GRHL2: variants seen among roughly 807,000 people sequenced by gnomAD.
GRHL2 encodes grainyhead like transcription factor 2.
In GRHL2, 21 loss-of-function variants were observed where a neutral mutation model predicts 83.8. The ratio of observed to expected loss-of-function variants is 0.25; its 90% CI spans 0.18 to 0.36. The LOEUF (loss-of-function observed/expected upper bound fraction) is 0.36. Ranked by LOEUF, GRHL2 falls within the 10% of genes least tolerant of loss-of-function variation. The pLI is 1.00. For synonymous variants in GRHL2, 280 were observed against 278.9 expected, an observed-to-expected ratio of 1.00 and a Z score of -0.04; for missense variants, 623 against 781.8, an observed-to-expected ratio of 0.80 and a Z score of 2.42.
intron 2 of GRHL2, among the ~76,000 whole-genome samples, chr8:101,550,634 C>T (rs1811361072): frequency 6.6e-6 from 1 of 152,174 alleles, no homozygotes; most frequent in Non-Finnish European, 1.5e-5. Context: ...CCATTTTAAC[C>T]ATTATTAAGT....
intron 14 of GRHL2, among the ~76,000 whole-genome samples, chr8:101,659,065 T>C (rs1488384925): frequency 6.6e-6 from 1 of 152,220 alleles, no homozygotes; most frequent in African/African-American, 2.4e-5. Context: ...GTTATATTGA[T>C]ATTTATCATC....
chr8:101,524,904 C>T (rs775952), intron 1 of GRHL2, among the ~76,000 whole-genome samples: 120,254 of 151,992 alleles, frequency 0.79, 48,118 homozygotes, highest in African/African-American at 0.85. Flanking sequence ...CTATGCCATA[C>T]CATTATTTTT....
chr8:101,543,592 G>T, intron 2 of GRHL2, 156 bp downstream of exon 2: 1 of 723,822 alleles, frequency 1.4e-6, no homozygotes, highest in Non-Finnish European at 2.5e-6. Flanking sequence ...CTTGCTCCCT[G>T]CTTCCCCATC....
downstream of GRHL2, among the ~76,000 whole-genome samples, chr8:101,674,236 A>C (rs1298126969): frequency 6.6e-6 from 1 of 152,182 alleles, no homozygotes; most frequent in Non-Finnish European, 1.5e-5. Context: ...ATAGAGACAC[A>C]AAAAACCCTT....
the GRHL2 span, among the ~76,000 whole-genome samples, chr8:101,680,580 T>G: frequency 8.4e-6 from 1 of 118,894 alleles, no homozygotes. Context: ...GTGGACCTAA[T>G]AGACATCTAC....
chr8:101,532,264 AG>A (rs1181657256), intron 1 of GRHL2, among the ~76,000 whole-genome samples: 2 of 152,230 alleles, frequency 1.3e-5, no homozygotes, highest in Non-Finnish European at 2.9e-5. Context: ...AATGGGAAAA[AG>A]GCCAATATTC....
chr8:101,577,621 C>T (rs566299967), intron 7 of GRHL2, 102 bp downstream of exon 7: 3 of 793,260 alleles, frequency 3.8e-6, no homozygotes, highest in East Asian at 2.5e-5. Context: ...AGCCACAGAG[C>T]TCTTATGATG....
chr8:101,520,540 G>T (rs1323294609), intron 1 of GRHL2, among the ~76,000 whole-genome samples: 2 of 152,074 alleles, frequency 1.3e-5, no homozygotes, highest in African/African-American at 4.8e-5. Context: ...CCACGCAGCA[G>T]ACAGGGTGAT....
chr8:101,660,006 T>TA lies in GRHL2; in HGVS notation c.1699-4447dup, dbSNP rs201588584. On this transcript the variant is annotated intron_variant, in intron 14 of 15. Coordinates refer to ENST00000646743, the MANE Select transcript of GRHL2 (RefSeq NM_024915.4). ...AAACATTTCTGGAAACTTTTTTTTT[T>TA]ACCTAACCATCTACTAGATTTGTTC... Among the ~76,000 whole-genome samples the TA allele has an allele frequency of 1.6e-3, 244 of 152,314 alleles. 2 individuals are homozygous for TA. The highest frequency in any genetic ancestry group is 4.2e-3 in the African/African-American group (175 of 41,566).
At chr8:101,547,426 T>C (rs1811288920) in intron 2 of GRHL2, among the ~76,000 whole-genome samples, 1 of 152,220 alleles carries the variant, frequency 6.6e-6, no homozygotes, top group Non-Finnish European at 1.5e-5. Context: ...GGGACAGTCA[T>C]GGACTCTGTC....
intron 5 of GRHL2, among the ~76,000 whole-genome samples, chr8:101,572,647 G>A (rs1811849831): frequency 6.6e-6 from 1 of 152,144 alleles, no homozygotes. Context: ...TTATTGGATT[G>A]TCACTGTGAG....
intron 1 of GRHL2, among the ~76,000 whole-genome samples, chr8:101,499,630 A>C (rs1330694252): frequency 6.6e-6 from 1 of 152,202 alleles, no homozygotes; most frequent in East Asian, 1.9e-4. Context: ...GATGATGTCA[A>C]CTAGGTTTAA....
At chr8:101,673,702 A>T (rs200814903), downstream of GRHL2, among the ~76,000 whole-genome samples, 4 of 152,100 alleles carry the variant, frequency 2.6e-5, no homozygotes, top group East Asian at 3.9e-4. Flanking sequence ...CTGCACCAAG[A>T]GGACCTAATA....
chr8:101,547,666 T>C (rs189491615), intron 2 of GRHL2, among the ~76,000 whole-genome samples: 1 of 152,382 alleles, frequency 6.6e-6, no homozygotes, highest in African/African-American at 2.4e-5. Flanking sequence ...CAATCCTGTA[T>C]GTTTCCTAAT....
intron 1 of GRHL2, among the ~76,000 whole-genome samples, chr8:101,540,606 AC>A (rs1159428475): frequency 2.0e-5 from 3 of 152,026 alleles, no homozygotes; most frequent in African/African-American, 7.2e-5. Context: ...AACATATCTT[AC>A]CAATGTCAGT....
intron 12 of GRHL2, among the ~76,000 whole-genome samples, chr8:101,639,179 G>A (rs1813348445): frequency 2.0e-5 from 3 of 152,168 alleles, no homozygotes; most frequent in Admixed American, 2.0e-4. Flanking sequence ...AACTCCATTG[G>A]TTTGACTTCT....
chr8:101,573,832 C>T lies in GRHL2; in HGVS notation c.891+8C>T. Reference sequence around the variant, plus strand: ...CCCATCAGCAAAGTCAGGGTAGGGGCCACATTTCTCAGATAAAGTACAAAG... The same window carrying T: ...CCCATCAGCAAAGTCAGGGTAGGGGTCACATTTCTCAGATAAAGTACAAAG... On this transcript the variant is annotated splice_region_variant and intron_variant, in intron 6 of 15. Coordinates refer to ENST00000646743, the MANE Select transcript of GRHL2 (RefSeq NM_024915.4). 1.2e-6 allele frequency: 2 copies of T among 1,614,022 alleles called. No homozygotes were observed. The highest frequency in any genetic ancestry group is 1.7e-6 in the Non-Finnish European group (2 of 1,179,916).
At chr8:101,530,589 C>T (rs554778821) in intron 1 of GRHL2, among the ~76,000 whole-genome samples, 11 of 152,240 alleles carry the variant, frequency 7.2e-5, no homozygotes, top group Non-Finnish European at 1.5e-4. Context: ...AAATAGATGA[C>T]CTCTAGTTGT....
At position 101,569,379 on chromosome 8, in the gene GRHL2, G is replaced by A. The variant is rs531425661; in HGVS notation, c.679-960G>A. The stretch of plus-strand genomic sequence containing the variant: ...ATGAAGATCCTTAGAGAAGGGCACT[G>A]AATAGGGTCAAATTATTACTTTATA... On this transcript the variant is annotated intron_variant, in intron 4 of 15. Coordinates refer to ENST00000646743, the MANE Select transcript of GRHL2 (RefSeq NM_024915.4). Among the ~76,000 whole-genome samples, 29 of 152,280 alleles carry A rather than the reference G, an allele frequency of 1.9e-4. No individual in the cohort carries two copies. The South Asian group carries it at 6.0e-3, about 32-fold the overall frequency.
Sources: allele counts gnomAD v4.1 joint callset (sites outside exome capture counted in the v4.1 genomes callset), GRCh38; gene constraint gnomAD v4.1.1; transcripts MANE v1.5; gene names NCBI Gene and HGNC (gene_info 2026-07-23, HGNC 2026-07-21).